MDGA2: variants seen among roughly 807,000 people sequenced by gnomAD.
The protein encoded by MDGA2 is MAM domain-containing glycosylphosphatidylinositol anchor protein 2.
Under a neutral mutation model 117.8 loss-of-function variants are expected in MDGA2, and 40 were observed. The observed-to-expected ratio is 0.34, with a 90% CI of 0.26 to 0.44. The LOEUF (loss-of-function observed/expected upper bound fraction) is 0.44, where lower values mean the gene tolerates loss of function less well. Ranked by LOEUF, MDGA2 falls within the 20% of genes least tolerant of loss-of-function variation. The pLI is 1.00. For missense variants in MDGA2, 1,123 were observed against 1,250.6 expected (o/e 0.90, Z 1.54); for synonymous variants, 452 against 439.0 (o/e 1.03, Z -0.37).
At chr14:46,955,406 G>A (rs190283925) in intron 9 of MDGA2, among the ~76,000 whole-genome samples, 42 of 152,034 alleles carry the variant, frequency 2.8e-4, no homozygotes, top group African/African-American at 7.9e-4. Context: ...ATTAAAATAC[G>A]AGTAAATAAA....
chr14:47,314,897 G>A lies in MDGA2; in HGVS notation c.281-13347C>T, dbSNP rs866223616. 1.2e-4 allele frequency among the ~76,000 whole-genome samples: 19 copies of A among 152,178 alleles called. No individual in the cohort carries two copies. The Middle Eastern group carries it at 0.01, about 82-fold the overall frequency. Reference sequence around the variant, plus strand: ...CATGACGAGAAATCCATAATATATTGCTAAGAATAATGTGCATAGTATGAC... The same window carrying A: ...CATGACGAGAAATCCATAATATATTACTAAGAATAATGTGCATAGTATGAC... On this transcript the variant is annotated intron_variant, in intron 1 of 16. Transcript: ENST00000399232.
chr14:47,641,076 AAC>A (rs1458805253), intron 1 of MDGA2, among the ~76,000 whole-genome samples: 1 of 152,064 alleles, frequency 6.6e-6, no homozygotes, highest in Non-Finnish European at 1.5e-5. Context: ...CAGTGAATGA[AAC>A]ACTCATTAAA....
chr14:47,431,508 T>C (rs1394058324), intron 1 of MDGA2, among the ~76,000 whole-genome samples: 1 of 152,120 alleles, frequency 6.6e-6, no homozygotes, highest in East Asian at 1.9e-4. Context: ...TGTTAAATAT[T>C]ACGCCTTTGG....
intron 8 of MDGA2, among the ~76,000 whole-genome samples, chr14:46,991,416 A>G (rs1040318430): frequency 2.6e-5 from 4 of 152,278 alleles, no homozygotes; most frequent in Middle Eastern, 3.4e-3. Context: ...ATTAAAGAGC[A>G]ATACCAGCTG....
chr14:47,557,932 G>A (rs781542792), intron 1 of MDGA2, among the ~76,000 whole-genome samples: 1 of 152,156 alleles, frequency 6.6e-6, no homozygotes, highest in Non-Finnish European at 1.5e-5. Flanking sequence ...TGGGTAAATA[G>A]ATTTTTGGAT....
chr14:47,267,447 G>A (rs1475343236), intron 2 of MDGA2, among the ~76,000 whole-genome samples: 1 of 151,878 alleles, frequency 6.6e-6, no homozygotes, highest in Admixed American at 6.6e-5. Context: ...ATTTAATTTT[G>A]TCCATATCCA....
At chr14:47,092,766 A>G (rs2138956197) in intron 6 of MDGA2, among the ~76,000 whole-genome samples, 1 of 152,242 alleles carries the variant, frequency 6.6e-6, no homozygotes, top group East Asian at 1.9e-4. Flanking sequence ...TGAGTCTCAC[A>G]GGGAAGGGAC....
chr14:47,647,112 A>C (rs1238134106), intron 1 of MDGA2, among the ~76,000 whole-genome samples: 1 of 152,192 alleles, frequency 6.6e-6, no homozygotes, highest in Admixed American at 6.5e-5. Context: ...AATGTTCATA[A>C]AAATAAATGT....
At chr14:47,059,659 A>T (rs1462121085) in intron 7 of MDGA2, among the ~76,000 whole-genome samples, 1 of 152,070 alleles carries the variant, frequency 6.6e-6, no homozygotes, top group Non-Finnish European at 1.5e-5. Flanking sequence ...GTTTAATGGT[A>T]TATAAACTGT....
At chr14:47,108,578 C>T (rs57173471) in intron 5 of MDGA2, among the ~76,000 whole-genome samples, 15,764 of 151,152 alleles carry the variant, frequency 0.1, 366 homozygotes, top group Admixed American at 0.11. Context: ...CACTCCTACC[C>T]GCCAGAGAAC....
At chr14:46,963,825 C>T (rs1007024031) in intron 8 of MDGA2, among the ~76,000 whole-genome samples, 2 of 152,130 alleles carry the variant, frequency 1.3e-5, no homozygotes, top group African/African-American at 4.8e-5. Context: ...TCCTATGTGT[C>T]TATTACAGTA....
intron 1 of MDGA2, among the ~76,000 whole-genome samples, chr14:47,318,394 C>G (rs1054264063): frequency 6.6e-6 from 1 of 152,062 alleles, no homozygotes; most frequent in Non-Finnish European, 1.5e-5. Flanking sequence ...GTTTCGAAGT[C>G]CTTTCCACTA....
intron 3 of MDGA2, among the ~76,000 whole-genome samples, chr14:47,160,811 A>G (rs1224786082): frequency 6.6e-6 from 1 of 152,236 alleles, no homozygotes; most frequent in Non-Finnish European, 1.5e-5. Flanking sequence ...GGTGCCATCA[A>G]CCAAATACAG....
chr14:47,653,743 G>C (rs1417534677), intron 1 of MDGA2, among the ~76,000 whole-genome samples: 2 of 152,166 alleles, frequency 1.3e-5, no homozygotes, highest in East Asian at 3.9e-4. Flanking sequence ...CTCAGAAAGT[G>C]CAAGACAGCG....
chr14:47,531,619 A>G (rs1895103142), intron 1 of MDGA2, among the ~76,000 whole-genome samples: 2 of 151,426 alleles, frequency 1.3e-5, no homozygotes, highest in Admixed American at 1.3e-4. Context: ...CTAGGAGCAT[A>G]GCATGTTCAC....
chr14:46,994,499 A>G lies in MDGA2; in HGVS notation c.1820-36856T>C, dbSNP rs186599096. On this transcript the variant is annotated intron_variant, in intron 8 of 16. Coordinates refer to ENST00000399232, the MANE Select transcript of MDGA2 (RefSeq NM_001113498.3). ...GGATGACAAATTAACTAAAAGGCAA[A>G]CATGCACACATACAAACACACACAC... Among the ~76,000 whole-genome samples, 273 of 106,600 alleles carry G rather than the reference A, an allele frequency of 2.6e-3. 3 individuals carry two copies. The highest frequency in any genetic ancestry group is 1.2e-3 in the Non-Finnish European group (63 of 51,530). 69.9% of individuals were successfully genotyped at this position (106,600 alleles called of 152,430 possible).
At chr14:47,197,825 T>C (rs1885343622) in intron 3 of MDGA2, among the ~76,000 whole-genome samples, 2 of 151,930 alleles carry the variant, frequency 1.3e-5, no homozygotes, top group South Asian at 4.1e-4. Context: ...AGGAGAATCA[T>C]GTGAACCTGG....
intron 1 of MDGA2, among the ~76,000 whole-genome samples, chr14:47,570,004 A>G (rs7148173): frequency 0.11 from 17,282 of 152,182 alleles, 1,149 homozygotes; most frequent in African/African-American, 0.17. Context: ...TGAAGATAGG[A>G]AAATATTTAA....
At chr14:47,025,392 G>T (rs1310989606) in intron 8 of MDGA2, among the ~76,000 whole-genome samples, 1 of 152,104 alleles carries the variant, frequency 6.6e-6, no homozygotes, top group Non-Finnish European at 1.5e-5. Context: ...TAACTGGCAT[G>T]TCTCTTCAAG....
Sources: allele counts gnomAD v4.1 joint callset (sites outside exome capture counted in the v4.1 genomes callset), GRCh38; gene constraint gnomAD v4.1.1; transcripts MANE v1.5; gene names NCBI Gene and HGNC (gene_info 2026-07-23, HGNC 2026-07-21).